PLA2G2C: variants seen among roughly 807,000 people sequenced by gnomAD.
The protein encoded by PLA2G2C is phospholipase A2 group IIC.
A neutral mutation model predicts 14.3 loss-of-function variants in PLA2G2C; 15 were observed. The ratio of observed to expected loss-of-function variants is 1.05; its 90% CI spans 0.70 to 1.62. PLA2G2C has a LOEUF of 1.62. PLA2G2C is among the 40% of genes most tolerant of loss of function. PLA2G2C has a pLI of 0.00. For missense variants in PLA2G2C, 162 were observed against 173.2 expected (o/e 0.94, Z 0.36); for synonymous variants, 79 against 67.7 (o/e 1.17, Z -0.82).
Position 20,165,667 on chromosome 1 carries a change from CAT to C in PLA2G2C, c.284-1512_284-1511del, listed in dbSNP as rs533833982. On this transcript the variant is annotated intron_variant, in intron 4 of 4. Coordinates refer to ENST00000679259, the MANE Select transcript of PLA2G2C (RefSeq NM_001367969.2). ...AGAGCTGTCGCACTGTGTGCATGCACATGTGTGTGCATGTGTGTGCATGCGCG... is the reference window on the plus strand; with the variant it reads ...AGAGCTGTCGCACTGTGTGCATGCACGTGTGTGCATGTGTGTGCATGCGCG... Among the ~76,000 whole-genome samples, 82 of 152,094 alleles carry C rather than the reference CAT, an allele frequency of 5.4e-4. 1 individual carries two copies. The highest frequency in any genetic ancestry group is 2.3e-3 in the South Asian group (11 of 4,814).
At chr1:20,177,063 T>G (rs2018198362) in intron 2 of PLA2G2C, among the ~76,000 whole-genome samples, 1 of 152,070 alleles carries the variant, frequency 6.6e-6, no homozygotes, top group South Asian at 2.1e-4. Context: ...GGGGGTAAAA[T>G]AGTAGTCAAA....
At chr1:20,173,342 A>C (rs1229783330) in intron 3 of PLA2G2C, among the ~76,000 whole-genome samples, 1 of 152,018 alleles carries the variant, frequency 6.6e-6, no homozygotes, top group Admixed American at 6.5e-5. Flanking sequence ...ATAAAAAATA[A>C]TAATAATAAC....
At position 20,164,083 on chromosome 1, in the gene PLA2G2C, G is replaced by A. The variant is rs1316105970; in HGVS notation, c.358C>T (p.His120Tyr). The A allele has an allele frequency of 6.2e-7, 1 of 1,613,916 alleles. No homozygotes were observed. Among genetic ancestry groups the A allele is most frequent in the Non-Finnish European group, 8.5e-7 (1 of 1,179,850 alleles). ...KACECDKQSV[H>Y]CFKESLPTYE... is the part of the protein sequence containing the mutation. ...GTGGGCAGGCTCTCTTTGAAGCAGTGCACGGATTGCTTGTCACACTCACAG... is the reference window on the plus strand; with the variant it reads ...GTGGGCAGGCTCTCTTTGAAGCAGTACACGGATTGCTTGTCACACTCACAG... Residue 120 changes from histidine (H) to tyrosine (Y), a missense_variant, in exon 5 of 5, where the codon CAC becomes TAC. Coordinates refer to ENST00000679259, the MANE Select transcript of PLA2G2C (RefSeq NM_001367969.2).
intron 1 of PLA2G2C, among the ~76,000 whole-genome samples, chr1:20,181,659 A>G (rs894123782): frequency 8.5e-5 from 13 of 152,126 alleles, no homozygotes; most frequent in African/African-American, 3.1e-4. Context: ...GCTCAGCTTC[A>G]TTTCTCAGGC....
chr1:20,179,992 G>C (rs574747004), intron 1 of PLA2G2C, among the ~76,000 whole-genome samples: 3 of 150,644 alleles, frequency 2.0e-5, no homozygotes, highest in Non-Finnish European at 4.4e-5. Context: ...GTGTGTGTTA[G>C]CTTCTCCCTC....
At chr1:20,174,865 A>G in intron 3 of PLA2G2C, 142 bp downstream of exon 3, 1 of 894,568 alleles carries the variant, frequency 1.1e-6, no homozygotes, top group Non-Finnish European at 1.7e-6. Flanking sequence ...CATCCTCCAA[A>G]TCCCGTTCAG....
chr1:20,166,394 C>T (rs117314565), intron 4 of PLA2G2C, among the ~76,000 whole-genome samples: 27 of 152,142 alleles, frequency 1.8e-4, no homozygotes, highest in Non-Finnish European at 4.0e-4. Context: ...ACTGTTCTAG[C>T]GCCTGGGTGC....
intron 1 of PLA2G2C, among the ~76,000 whole-genome samples, chr1:20,178,273 G>A (rs1348012061): frequency 6.6e-6 from 1 of 152,202 alleles, no homozygotes; most frequent in Non-Finnish European, 1.5e-5. Context: ...CATACAAGTG[G>A]TCTTTATAGC....
At chr1:20,183,905 C>G (rs1409250745) in intron 1 of PLA2G2C, among the ~76,000 whole-genome samples, 3 of 152,156 alleles carry the variant, frequency 2.0e-5, no homozygotes, top group Admixed American at 6.5e-5. Context: ...GGGCAATGAC[C>G]TCTGCCCATG....
In PLA2G2C at chr1:20,175,047, C is replaced by T. The variant is rs1210403598; in HGVS notation, c.139G>A (p.Gly47Arg). The change falls in exon 3 of 5, where the codon GGG (glycine) becomes AGG (arginine). Residue 47 changes from glycine to arginine, a missense_variant. Physicochemically the swap from Gly to Arg is moderately radical, Grantham distance 125 (BLOSUM62 -2). Transcript: ENST00000679259. ...FSYYGYGCYCGLGDKGIPVDD... is the reference protein window; with the variant it reads ...FSYYGYGCYCRLGDKGIPVDD... ...ACGGGGATCCCTTTATCCCCAAGCC[C>T]ACAGTAGCAGCCATATCCGTAATAT... is the stretch of plus-strand genomic sequence containing the variant. 2.5e-6 allele frequency: 4 copies of T among 1,613,950 alleles called. No individual in the cohort carries two copies. The highest frequency in any genetic ancestry group is 3.4e-6 in the Non-Finnish European group (4 of 1,179,888).
At chr1:20,178,735 A>C (rs1176063278) in intron 1 of PLA2G2C, among the ~76,000 whole-genome samples, 1 of 152,240 alleles carries the variant, frequency 6.6e-6, no homozygotes, top group Non-Finnish European at 1.5e-5. Flanking sequence ...TGGGTGCATT[A>C]CTGGTCATGA....
At position 20,175,044 on chromosome 1, in the gene PLA2G2C, G is replaced by A. The variant is rs752921982; in HGVS notation, c.142C>T (p.Leu48Phe). The A allele has an allele frequency of 1.2e-6, 2 of 1,613,872 alleles. No individual in the cohort carries two copies. The highest frequency in any genetic ancestry group is 1.7e-6 in the Non-Finnish European group (2 of 1,179,840). Residue 48 changes from leucine (L) to phenylalanine (F), a missense_variant, in exon 3 of 5, where the codon CTT (leucine) becomes TTT (phenylalanine). Transcript: ENST00000679259. ...TCCACGGGGATCCCTTTATCCCCAAGCCCACAGTAGCAGCCATATCCGTAA... is the reference window on the plus strand; with the variant it reads ...TCCACGGGGATCCCTTTATCCCCAAACCCACAGTAGCAGCCATATCCGTAA... ...SYYGYGCYCG[L>F]GDKGIPVDDT... is the part of the protein sequence containing the mutation.
At chr1:20,174,184 C>T (rs2018138450) in intron 3 of PLA2G2C, among the ~76,000 whole-genome samples, 1 of 152,212 alleles carries the variant, frequency 6.6e-6, no homozygotes. Flanking sequence ...ATGAGCCCCA[C>T]CCACAAGACT....
At chr1:20,182,008 G>A (rs2018285532) in intron 1 of PLA2G2C, among the ~76,000 whole-genome samples, 1 of 152,092 alleles carries the variant, frequency 6.6e-6, no homozygotes, top group Admixed American at 6.5e-5. Flanking sequence ...AATGATTCTG[G>A]CCCCCCACAG....
chr1:20,180,822 G>A (rs183262500), intron 1 of PLA2G2C, among the ~76,000 whole-genome samples: 10 of 152,324 alleles, frequency 6.6e-5, no homozygotes, highest in Non-Finnish European at 1.5e-4. Context: ...CAGCCCCTAG[G>A]GCAGCAGCCA....
intron 1 of PLA2G2C, among the ~76,000 whole-genome samples, chr1:20,183,174 C>T (rs1230019821): frequency 6.6e-6 from 1 of 152,212 alleles, no homozygotes; most frequent in Non-Finnish European, 1.5e-5. Flanking sequence ...CGTGTGTTAC[C>T]TCATTTCAGC....
intron 1 of PLA2G2C, among the ~76,000 whole-genome samples, chr1:20,177,647 T>TC (rs926021507): frequency 3.3e-5 from 5 of 151,354 alleles, no homozygotes; most frequent in African/African-American, 1.2e-4. Context: ...AATGTTGGTT[T>TC]GGTTTTTTTT....
At chr1:20,179,004 G>C (rs2100723638) in intron 1 of PLA2G2C, among the ~76,000 whole-genome samples, 1 of 152,354 alleles carries the variant, frequency 6.6e-6, no homozygotes. Flanking sequence ...ACCACTCTCT[G>C]CTGCAGGTAC....
rs1023734664 is a variant in PLA2G2C at position 20,176,537 on chromosome 1, G to A, written c.40+787C>T. 3.3e-5 allele frequency among the ~76,000 whole-genome samples: 5 copies of A among 152,314 alleles called. No individual in the cohort carries two copies. In the East Asian group the frequency reaches 5.8e-4, roughly 18 times the overall value. On this transcript the variant is annotated intron_variant, in intron 2 of 4. Coordinates refer to ENST00000679259, the MANE Select transcript of PLA2G2C (RefSeq NM_001367969.2). ...TGTTCAGTCTAAACGGGGGTGTGGC[G>A]GAAGAAACCCATGGGCGGTCACTGC...
Sources: allele counts gnomAD v4.1 joint callset (sites outside exome capture counted in the v4.1 genomes callset), GRCh38; gene constraint gnomAD v4.1.1; transcripts MANE v1.5; gene names NCBI Gene and HGNC (gene_info 2026-07-23, HGNC 2026-07-21).